The following MYO10 variants were observed in gnomAD, a reference collection of about 807,000 sequenced individuals.
MYO10 encodes the protein unconventional myosin-X.
Under a neutral mutation model 257.3 loss-of-function variants are expected in MYO10, and 133 were observed. The ratio of observed to expected loss-of-function variants is 0.52; its 90% CI spans 0.45 to 0.60. The LOEUF is 0.60. Ranked by LOEUF, MYO10 falls within the 20% of genes least tolerant of loss-of-function variation. MYO10 has a pLI of 0.00. For synonymous variants in MYO10, 1,104 were observed against 1,028.6 expected (o/e 1.07, Z -1.40); for missense variants, 2,399 against 2,635.7 (o/e 0.91, Z 1.97).
rs375155274 is a variant in MYO10 at position 16,679,972 on chromosome 5, G to A, written c.4517C>T (p.Thr1506Ile). The A allele has an allele frequency of 5.0e-6, 8 of 1,613,956 alleles. No individual in the cohort carries two copies. Among genetic ancestry groups the A allele is most frequent in the Non-Finnish European group, 5.9e-6 (7 of 1,179,878 alleles). Residue 1506 changes from threonine (T) to isoleucine (I), a missense_variant, in exon 33 of 41, where the codon ACC becomes ATC. Coordinates refer to ENST00000513610, the MANE Select transcript of MYO10 (RefSeq NM_012334.3). ...CTTGATATCTTGAATCAGCTGCTGG[G>A]TGGGGGTGTCGATCGGGGCCTTGGT... ...TDTKAPIDTP[T>I]QQLIQDIKEN...
Position 16,675,142 on chromosome 5 carries a change from C to T in MYO10, c.4675G>A (p.Asp1559Asn). Residue 1559 changes from aspartate to asparagine, a missense_variant, in exon 35 of 41, where the codon GAC (aspartate) becomes AAC (asparagine). Physicochemically the swap from Asp to Asn is conservative, Grantham distance 23. Coordinates refer to ENST00000513610, the MANE Select transcript of MYO10 (RefSeq NM_012334.3). ...TCCTGAAGGGTGGTATAGCCTTTGTCTTTGAGCACTAGGACAAGCAAAACA... is the reference window on the plus strand; with the variant it reads ...TCCTGAAGGGTGGTATAGCCTTTGTTTTTGAGCACTAGGACAAGCAAAACA... ...YGDINLNLLK[D>N]KGYTTLQDEA... is the part of the protein sequence containing the mutation. The T allele has an allele frequency of 6.2e-7, 1 of 1,613,404 alleles. No individual in the cohort carries two copies. The highest frequency in any genetic ancestry group is 8.5e-7 in the Non-Finnish European group (1 of 1,179,866).
rs752851939 is a variant in MYO10, at chr5:16,763,758, A to G, written c.1327-3T>C. Reference sequence around the variant, plus strand: ...TTGAACTGTTCAAAGTGATTAACCTAAGGGGGGAAAGCATTCAATAAGTAT... The same window carrying G: ...TTGAACTGTTCAAAGTGATTAACCTGAGGGGGGAAAGCATTCAATAAGTAT... On this transcript the variant is annotated splice_polypyrimidine_tract_variant and splice_region_variant and intron_variant, in intron 12 of 40. Transcript: ENST00000513610. 4 of 1,521,408 alleles carry G rather than the reference A, an allele frequency of 2.6e-6. No individual in the cohort carries two copies. The South Asian group carries it at 4.6e-5, about 17-fold the overall frequency. The allele number at this position is 1,521,408 out of a possible 1,614,324, so 94.2% of individuals were successfully genotyped here. A position where few individuals can be genotyped will look rare whatever the true frequency, so the allele number is the denominator to read the frequency against.
At chr5:16,786,001 C>T (rs1336198658) in intron 4 of MYO10, among the ~76,000 whole-genome samples, 1 of 152,058 alleles carries the variant, frequency 6.6e-6, no homozygotes, top group Non-Finnish European at 1.5e-5. Context: ...AGCTAAAAAC[C>T]CCCTTCACAG....
intron 19 of MYO10, among the ~76,000 whole-genome samples, chr5:16,720,028 G>C (rs1404281731): frequency 6.7e-6 from 1 of 149,304 alleles, no homozygotes; most frequent in African/African-American, 2.5e-5. Flanking sequence ...GTGTGTATAT[G>C]TATGTATGTA....
chr5:16,911,420 T>C (rs1367471048), intron 1 of MYO10, among the ~76,000 whole-genome samples: 1 of 152,120 alleles, frequency 6.6e-6, no homozygotes, highest in Non-Finnish European at 1.5e-5. Context: ...AACACAAATT[T>C]GTACATTTTC....
chr5:16,893,196 C>CAAAAAAAAAAAAAAAA lies in MYO10; in HGVS notation c.22-15505_22-15490dup, dbSNP rs59761183. Among the ~76,000 whole-genome samples the CAAAAAAAAAAAAAAAA allele has an allele frequency of 1.6e-3, 113 of 69,548 alleles. 8 individuals carry two copies. The highest frequency in any genetic ancestry group is 2.3e-3 in the Non-Finnish European group (87 of 37,368). 45.6% of individuals were successfully genotyped at this position (69,548 alleles called of 152,430 possible). On this transcript the variant is annotated intron_variant, in intron 1 of 40. Transcript: ENST00000513610. ...TGGGTGACACAGTGAGACTCTGTCTCAAAAAAAAAAAAAAAAAAAGAACTT... is the reference window on the plus strand; with the variant it reads ...TGGGTGACACAGTGAGACTCTGTCTCAAAAAAAAAAAAAAAAAAAAAAAAAAAAAAAAAAAGAACTT...
chr5:16,710,859 C>T lies in MYO10; in HGVS notation c.2169+49G>A, dbSNP rs139695315. 1.0e-5 allele frequency: 15 copies of T among 1,500,862 alleles called. No individual in the cohort carries two copies. In the African/African-American group the frequency reaches 1.5e-4, roughly 15 times the overall value. 93.0% of individuals were successfully genotyped at this position (1,500,862 alleles called of 1,614,324 possible). Reference sequence around the variant, plus strand: ...GCCCTAAACCCTGTGAGCATCACCCCGAGATCTGTCAGGGATTCGGTGGGA... The same window carrying T: ...GCCCTAAACCCTGTGAGCATCACCCTGAGATCTGTCAGGGATTCGGTGGGA... On this transcript the variant is annotated intron_variant, in intron 21 of 40. Coordinates refer to ENST00000513610, the MANE Select transcript of MYO10 (RefSeq NM_012334.3).
intron 21 of MYO10, among the ~76,000 whole-genome samples, chr5:16,706,526 T>G (rs1279935794): frequency 6.6e-6 from 1 of 152,178 alleles, no homozygotes; most frequent in Admixed American, 6.5e-5. Context: ...CTTTTGCTCT[T>G]ATGAGTGCTT....
intron 1 of MYO10, among the ~76,000 whole-genome samples, chr5:16,901,098 G>C (rs561743172): frequency 1.3e-5 from 2 of 151,978 alleles, no homozygotes; most frequent in Non-Finnish European, 2.9e-5. Flanking sequence ...TGCATGATCT[G>C]GCTCCTGCCT....
chr5:16,870,300 T>C (rs1744415109), intron 2 of MYO10, among the ~76,000 whole-genome samples: 1 of 151,476 alleles, frequency 6.6e-6, no homozygotes, highest in Non-Finnish European at 1.5e-5. Context: ...ACTGGTGGAA[T>C]ACGGAAGGGC....
intron 1 of MYO10, among the ~76,000 whole-genome samples, chr5:16,887,993 T>G (rs1412167318): frequency 6.6e-6 from 1 of 152,214 alleles, no homozygotes; most frequent in Non-Finnish European, 1.5e-5. Context: ...AAAAGTCAAA[T>G]TTTTCCATCT....
chr5:16,897,337 T>C (rs253482), intron 1 of MYO10, among the ~76,000 whole-genome samples: 40,956 of 149,470 alleles, frequency 0.27, 6,970 homozygotes, highest in Admixed American at 0.4. Context: ...ATCAGCATGA[T>C]TCAGAAACTC....
chr5:16,667,974 A>C (rs944770168), intron 40 of MYO10, among the ~76,000 whole-genome samples: 14 of 152,128 alleles, frequency 9.2e-5, no homozygotes, highest in Admixed American at 3.9e-4. Flanking sequence ...TGTTGCAAAT[A>C]ATATACTTTT....
At chr5:16,724,203 G>A (rs1346509152) in intron 19 of MYO10, among the ~76,000 whole-genome samples, 2 of 152,134 alleles carry the variant, frequency 1.3e-5, no homozygotes, top group African/African-American at 4.8e-5. Flanking sequence ...GAGTCTATAA[G>A]ACTAAAAGCA....
chr5:16,893,274 A>T (rs1312606232), intron 1 of MYO10, among the ~76,000 whole-genome samples: 2 of 151,544 alleles, frequency 1.3e-5, no homozygotes, highest in Non-Finnish European at 2.9e-5. Flanking sequence ...GAAGAGGATG[A>T]GAAACATTTA....
intron 3 of MYO10, among the ~76,000 whole-genome samples, chr5:16,813,448 C>T (rs987576270): frequency 6.6e-6 from 1 of 151,786 alleles, no homozygotes; most frequent in African/African-American, 2.4e-5. Context: ...TATATATACT[C>T]AGGCGAGAGG....
intron 1 of MYO10, among the ~76,000 whole-genome samples, chr5:16,907,402 A>C (rs960124843): frequency 6.6e-6 from 1 of 152,138 alleles, no homozygotes; most frequent in African/African-American, 2.4e-5. Flanking sequence ...AGACCCAAGG[A>C]GAAGGCATCC....
chr5:16,844,644 T>A (rs1267412397), intron 2 of MYO10, among the ~76,000 whole-genome samples: 1 of 152,174 alleles, frequency 6.6e-6, no homozygotes, highest in Non-Finnish European at 1.5e-5. Context: ...TATACTCAAC[T>A]ACTAATTCTA....
intron 6 of MYO10, 102 bp downstream of exon 6, chr5:16,781,603 G>A (rs1238623511): frequency 4.9e-6 from 6 of 1,235,250 alleles, no homozygotes; most frequent in African/African-American, 1.5e-5. Context: ...AAGAACCAGA[G>A]AAAGAAATGT....
Sources: allele counts gnomAD v4.1 joint callset (sites outside exome capture counted in the v4.1 genomes callset), GRCh38; gene constraint gnomAD v4.1.1; transcripts MANE v1.5; gene names NCBI Gene and HGNC (gene_info 2026-07-23, HGNC 2026-07-21).